PLB1: variants seen among roughly 807,000 people sequenced by gnomAD.
PLB1 encodes phospholipase B1, membrane-associated.
A neutral mutation model predicts 227.4 loss-of-function variants in PLB1; 242 were observed. The observed-to-expected ratio is 1.06, with a 90% CI of 0.96 to 1.18. The LOEUF is 1.18. Ranked by LOEUF, PLB1 falls within the 50% of genes most tolerant of loss-of-function variation. The pLI is 0.00. For synonymous variants in PLB1, 757 were observed against 682.2 expected (o/e 1.11, Z -1.71); for missense variants, 1,858 against 1,816.3 (o/e 1.02, Z -0.42).
chr2:28,633,312 A>G (rs1285893639), intron 56 of PLB1: 2 of 433,554 alleles, frequency 4.6e-6, no homozygotes, highest in Admixed American at 4.1e-5. Flanking sequence ...ATCCCTTTGT[A>G]ATCAGATAGG....
At chr2:28,565,425 G>T (rs1676723207) in intron 19 of PLB1, 72 bp downstream of exon 19, 6 of 1,372,058 alleles carry the variant, frequency 4.4e-6, no homozygotes, top group Non-Finnish European at 6.1e-6. Context: ...GAGTGTTCTA[G>T]AAAACAACGC....
chr2:28,565,498 A>G (rs1444225825), intron 19 of PLB1, 145 bp downstream of exon 19: 4 of 688,424 alleles, frequency 5.8e-6, no homozygotes, highest in South Asian at 4.1e-5. Context: ...TTAATTTGAA[A>G]AAGGTATTCA....
Position 28,601,347 on chromosome 2 carries a change from G to A in PLB1, c.2607+15G>A. ...GCACAGATTCGGTAATTGGGGCCAG[G>A]TCCAGGCCTACTTGTTGTTCCTAAC... On this transcript the variant is annotated intron_variant, in intron 37 of 57. Coordinates refer to ENST00000327757, the MANE Select transcript of PLB1 (RefSeq NM_153021.5). 1.9e-6 allele frequency: 3 copies of A among 1,610,358 alleles called. No individual in the cohort carries two copies. The East Asian group carries it at 6.7e-5, about 36-fold the overall frequency.
At chr2:28,546,920 G>A (rs1195680826) in intron 14 of PLB1, among the ~76,000 whole-genome samples, 1 of 152,078 alleles carries the variant, frequency 6.6e-6, no homozygotes. Context: ...TTGGGGAAAG[G>A]TGGGCGTGGT....
In PLB1 at chr2:28,616,781, C is replaced by A. The variant is rs193167778; in HGVS notation, c.3196-946C>A. On this transcript the variant is annotated intron_variant, in intron 44 of 57. Coordinates refer to ENST00000327757, the MANE Select transcript of PLB1 (RefSeq NM_153021.5). ...AATTGAGCAATCCCTTGGGAAAAAA[C>A]CAAATTCCATAGGATTAAGCAAATA... 1.0e-3 allele frequency among the ~76,000 whole-genome samples: 152 copies of A among 152,302 alleles called. 1 individual carries two copies. Among genetic ancestry groups the A allele is most frequent in the Non-Finnish European group, 1.5e-3 (104 of 68,012 alleles).
intron 10 of PLB1, 71 bp downstream of exon 10, chr2:28,538,452 G>C: frequency 7.0e-7 from 1 of 1,422,030 alleles, no homozygotes. Context: ...CTCCACCGGG[G>C]TGGGGAAATG....
intron 4 of PLB1, among the ~76,000 whole-genome samples, chr2:28,522,716 C>T (rs1302140359): frequency 1.3e-5 from 2 of 152,188 alleles, no homozygotes; most frequent in Non-Finnish European, 2.9e-5. Flanking sequence ...TGCTGTCACT[C>T]GGCCCCCCCT....
chr2:28,589,965 G>C (rs769605675), intron 28 of PLB1, 40 bp from the exon 29 acceptor site: 4 of 1,572,734 alleles, frequency 2.5e-6, no homozygotes, highest in Non-Finnish European at 3.5e-6. Context: ...CATTCTGGCC[G>C]CCTCTTCCTC....
At chr2:28,588,493 AGT>A (rs1227771709) in intron 26 of PLB1, among the ~76,000 whole-genome samples, 6 of 152,190 alleles carry the variant, frequency 3.9e-5, no homozygotes, top group Non-Finnish European at 8.8e-5. Flanking sequence ...GGGAAAAGAC[AGT>A]GTGTGGTGTC....
intron 56 of PLB1, among the ~76,000 whole-genome samples, chr2:28,640,030 A>G (rs1344237229): frequency 6.6e-6 from 1 of 152,112 alleles, no homozygotes; most frequent in South Asian, 2.1e-4. Flanking sequence ...CCCTCCTCCA[A>G]TTGTGTTACT....
chr2:28,619,916 G>A (rs1686777991), intron 46 of PLB1, among the ~76,000 whole-genome samples: 1 of 152,158 alleles, frequency 6.6e-6, no homozygotes, highest in Non-Finnish European at 1.5e-5. Flanking sequence ...ATGTGCAGGA[G>A]TAACAGAAAC....
chr2:28,503,097 G>T (rs1243067917), intron 1 of PLB1, among the ~76,000 whole-genome samples: 1 of 151,708 alleles, frequency 6.6e-6, no homozygotes, highest in Non-Finnish European at 1.5e-5. Context: ...GATTATTTAT[G>T]ATTTATCTTA....
chr2:28,612,769 A>ATTT (rs10557060), intron 43 of PLB1, among the ~76,000 whole-genome samples: 18 of 124,922 alleles, frequency 1.4e-4, no homozygotes, highest in African/African-American at 4.6e-4. Flanking sequence ...CCACACCTGG[A>ATTT]TTTTTTTTTT....
Position 28,624,187 on chromosome 2 carries a change from G to T in PLB1, c.3528-870G>T, listed in dbSNP as rs182203566. ...TCATCACCCACAGGAGTTTTCTCAG[G>T]CCCCTTGGTAATCTCTCCCTCCTGC... On this transcript the variant is annotated intron_variant, in intron 49 of 57. Coordinates refer to ENST00000327757, the MANE Select transcript of PLB1 (RefSeq NM_153021.5). Among the ~76,000 whole-genome samples the T allele has an allele frequency of 1.6e-3, 240 of 152,244 alleles. 1 individual carries two copies. Among genetic ancestry groups the T allele is most frequent in the African/African-American group, 5.5e-3 (230 of 41,526 alleles).
At chr2:28,496,505 A>G (rs144770341) in intron 1 of PLB1, among the ~76,000 whole-genome samples, 1 of 152,024 alleles carries the variant, frequency 6.6e-6, no homozygotes, top group African/African-American at 2.4e-5. Context: ...ACCTCCCTGG[A>G]CCTTGATTTT....
At position 28,603,977 on chromosome 2, in the gene PLB1, A is replaced by C. The variant is rs566010033; in HGVS notation, c.2786A>C (p.Asn929Thr). 1 of 1,614,198 alleles carries C rather than the reference A, an allele frequency of 6.2e-7. No homozygotes were observed. Among genetic ancestry groups the C allele is most frequent in the Admixed American group, 1.7e-5 (1 of 60,034 alleles). ...CPVQQASVLC[N>T]CVLTLRENSQ... ...CCCTCTTTGTGCAGCGTTTTGTGTAACTGCGTTCTGACCCTGCGGGAGAAC... is the reference window on the plus strand; with the variant it reads ...CCCTCTTTGTGCAGCGTTTTGTGTACCTGCGTTCTGACCCTGCGGGAGAAC... The change falls in exon 40 of 58, where the codon AAC becomes ACC. Residue 929 changes from asparagine to threonine, a missense_variant. By Grantham distance (65) the Asn-to-Thr change is moderately conservative. Transcript: ENST00000327757.
chr2:28,525,596 C>T (rs1670132764), intron 5 of PLB1, among the ~76,000 whole-genome samples: 1 of 152,124 alleles, frequency 6.6e-6, no homozygotes, highest in Non-Finnish European at 1.5e-5. Context: ...TTGCTCTGCT[C>T]TTGGGGAACC....
intron 20 of PLB1, among the ~76,000 whole-genome samples, chr2:28,572,938 A>T (rs554489740): frequency 1.3e-5 from 2 of 152,368 alleles, no homozygotes; most frequent in South Asian, 4.1e-4. Context: ...TATAGTTAGA[A>T]AAAAAGAAAA....
intron 9 of PLB1, among the ~76,000 whole-genome samples, chr2:28,536,671 T>G (rs1671725079): frequency 6.6e-6 from 1 of 152,220 alleles, no homozygotes; most frequent in African/African-American, 2.4e-5. Context: ...GGGCAAACGA[T>G]ACACATGGAA....
Sources: gnomAD v4.1 joint callset for allele counts (sites outside exome capture counted in the v4.1 genomes callset) on GRCh38, gnomAD v4.1.1 for gene constraint, MANE v1.5 for transcripts, NCBI Gene and HGNC (gene_info 2026-07-23, HGNC 2026-07-21) for gene names.